The following TP63 variants were observed in gnomAD, a reference collection of about 807,000 sequenced individuals.
TP63 encodes the protein tumor protein 63.
In TP63, 17 loss-of-function variants were observed where a neutral mutation model predicts 82.8. The ratio of observed to expected loss-of-function variants is 0.21; its 90% CI spans 0.14 to 0.31. The LOEUF is 0.31. Among genes scored for constraint, TP63 ranks in the 10% least tolerant of loss-of-function variants. The probability of loss-of-function intolerance (pLI) is 1.00; values close to 1 mark genes in which losing one functional copy is unlikely to be tolerated. For synonymous variants in TP63, 330 were observed against 321.7 expected, an observed-to-expected ratio of 1.03 and a Z score of -0.28; for missense variants, 648 against 895.3, an observed-to-expected ratio of 0.72 and a Z score of 3.52.
intron 3 of TP63, among the ~76,000 whole-genome samples, chr3:189,767,536 C>T (rs181275869): frequency 2.6e-5 from 4 of 152,200 alleles, no homozygotes; most frequent in Admixed American, 1.3e-4. Context: ...TTGCTAGTTT[C>T]GTATTTGAAG....
chr3:189,696,449 G>A (rs1577257462), intron 1 of TP63, among the ~76,000 whole-genome samples: 2 of 152,168 alleles, frequency 1.3e-5, no homozygotes, highest in Admixed American at 1.3e-4. Context: ...TTCACCAACT[G>A]AAAGACATCT....
At chr3:189,754,202 A>G (rs1178000098) in intron 3 of TP63, among the ~76,000 whole-genome samples, 2 of 152,096 alleles carry the variant, frequency 1.3e-5, no homozygotes, top group Non-Finnish European at 2.9e-5. Flanking sequence ...GGGACCATAA[A>G]CCAGGTCAAA....
chr3:189,619,852 C>T, the TP63 span, among the ~76,000 whole-genome samples: 4 of 152,166 alleles, frequency 2.6e-5, no homozygotes, highest in African/African-American at 7.2e-5. Flanking sequence ...CCAAAGTCCA[C>T]GTACTTCAGG....
At position 189,866,765 on chromosome 3, in the gene TP63, C is replaced by G. The variant is rs751232018; in HGVS notation, c.850C>G (p.Gln284Glu). ...TGTAGAAGATCCCATCACAGGAAGA[C>G]AGAGTGTGCTGGTACCTTATGAGCC... ...QYVEDPITGRQSVLVPYEPPQ... is the reference protein window; with the variant it reads ...QYVEDPITGRESVLVPYEPPQ... Residue 284 changes from glutamine (Q) to glutamate (E), a missense_variant, in exon 6 of 14, where the codon CAG (glutamine) becomes GAG (glutamate). By Grantham distance (29) the Gln-to-Glu change is conservative. Around this residue, in one of 5 missense-constraint regions of TP63, gnomAD observed 30 missense variants for 26.4 expected, o/e 1.14. Coordinates refer to ENST00000264731, the MANE Select transcript of TP63 (RefSeq NM_003722.5). The G allele has an allele frequency of 6.2e-7, 1 of 1,614,020 alleles. No homozygotes were observed. Among genetic ancestry groups the G allele is most frequent in the Non-Finnish European group, 8.5e-7 (1 of 1,179,970 alleles).
intron 12 of TP63, among the ~76,000 whole-genome samples, chr3:189,889,832 T>C (rs1482462764): frequency 6.6e-6 from 1 of 152,230 alleles, no homozygotes; most frequent in Non-Finnish European, 1.5e-5. Context: ...GGCAATAAAC[T>C]TGCTATCTCG....
At chr3:189,668,385 A>C (rs1185969305) in intron 1 of TP63, among the ~76,000 whole-genome samples, 1 of 152,148 alleles carries the variant, frequency 6.6e-6, no homozygotes, top group Non-Finnish European at 1.5e-5. Context: ...ATTTCAAGGA[A>C]TAAAATGAAA....
chr3:189,721,065 G>C (rs1007618884), intron 1 of TP63, among the ~76,000 whole-genome samples: 1 of 152,244 alleles, frequency 6.6e-6, no homozygotes, highest in Non-Finnish European at 1.5e-5. Flanking sequence ...CACTGACAGG[G>C]AAGATCTTTG....
Position 189,869,395 on chromosome 3 carries a change from T to C in TP63, c.1201T>C (p.Leu401=). Reference sequence around the variant, plus strand: ...ACGAAGATCCCCAGATGATGAACTGTTATACTTACCAGTAGGTCTTCCTTG... The same window carrying C: ...ACGAAGATCCCCAGATGATGAACTGCTATACTTACCAGTAGGTCTTCCTTG... The part of the protein sequence containing the change: ...KKRRSPDDEL[L]YLPVRGRETY... Residue 401 remains leucine, a synonymous_variant, in exon 9 of 14, where the codon TTA becomes CTA. Transcript: ENST00000264731. 1 of 1,613,780 alleles carries C rather than the reference T, an allele frequency of 6.2e-7. No individual in the cohort carries two copies. The highest frequency in any genetic ancestry group is 8.5e-7 in the Non-Finnish European group (1 of 1,179,748).
At chr3:189,624,934 A>G in the TP63 span, among the ~76,000 whole-genome samples, 1 of 152,214 alleles carries the variant, frequency 6.6e-6, no homozygotes, top group Non-Finnish European at 1.5e-5. Context: ...ACTGCAAAAC[A>G]CATTAGTGTA....
chr3:189,670,047 A>G (rs2108670560), intron 1 of TP63, among the ~76,000 whole-genome samples: 1 of 152,112 alleles, frequency 6.6e-6, no homozygotes, highest in South Asian at 2.1e-4. Context: ...TGAAATGAAC[A>G]AAGTATAAAC....
Position 189,895,826 on chromosome 3 carries a change from G to A in TP63, c.*1324G>A, listed in dbSNP as rs1417018864. The A allele has an allele frequency of 8.9e-6, 2 of 225,848 alleles. No individual in the cohort carries two copies. 14.0% of individuals were successfully genotyped at this position (225,848 alleles called of 1,614,324 possible). A position where few individuals can be genotyped will look rare whatever the true frequency, so the allele number is the denominator to read the frequency against. ...TGATTTGAAAAATATAAAATTATGA[G>A]ATTGGTTTTCCTGTGGCATAAATTG... On this transcript the variant is annotated 3_prime_UTR_variant, in exon 14 of 14. Coordinates refer to ENST00000264731, the MANE Select transcript of TP63 (RefSeq NM_003722.5).
chr3:189,741,381 G>C (rs1337009090), intron 3 of TP63, among the ~76,000 whole-genome samples: 1 of 152,172 alleles, frequency 6.6e-6, no homozygotes, highest in Non-Finnish European at 1.5e-5. Flanking sequence ...TTAATAGCTA[G>C]TGTTCTGGTT....
At chr3:189,670,873 T>C (rs1015907539) in intron 1 of TP63, among the ~76,000 whole-genome samples, 2 of 151,992 alleles carry the variant, frequency 1.3e-5, no homozygotes, top group Admixed American at 6.6e-5. Context: ...TGGTCATATA[T>C]GAAAATCAAC....
chr3:189,727,999 G>A (rs1052529556), intron 1 of TP63, among the ~76,000 whole-genome samples: 10 of 152,120 alleles, frequency 6.6e-5, no homozygotes, highest in South Asian at 4.1e-4. Context: ...ATAGTAGAGC[G>A]AAGTTTGAGA....
rs76513731 is a variant in TP63, at chr3:189,861,652, G to A, written c.580-2580G>A. Among the ~76,000 whole-genome samples, 127 of 152,228 alleles carry A rather than the reference G, an allele frequency of 8.3e-4. 1 individual carries two copies. Among genetic ancestry groups the A allele is most frequent in the African/African-American group, 2.9e-3 (121 of 41,524 alleles). ...ATTAAATGAGTAAGCAATATACTGA[G>A]AAATTAATAAAACTATGTTAAATAG... is the stretch of plus-strand genomic sequence containing the variant. On this transcript the variant is annotated intron_variant, in intron 4 of 13. Transcript: ENST00000264731.
At chr3:189,697,014 A>G (rs192922723) in intron 1 of TP63, among the ~76,000 whole-genome samples, 1 of 152,178 alleles carries the variant, frequency 6.6e-6, no homozygotes, top group East Asian at 1.9e-4. Context: ...TTTCCTTTAT[A>G]AAACAAAAGG....
intron 3 of TP63, among the ~76,000 whole-genome samples, chr3:189,772,910 T>G (rs1422528681): frequency 6.6e-6 from 1 of 152,192 alleles, no homozygotes; most frequent in East Asian, 1.9e-4. Flanking sequence ...TACTTTGCAC[T>G]TAGTGTCTTT....
At chr3:189,879,945 C>A in intron 10 of TP63, 1 of 1,333,790 alleles carries the variant, frequency 7.5e-7, no homozygotes, top group Non-Finnish European at 9.8e-7. Context: ...TTTTCAGGCA[C>A]TCTATTCTGT....
At chr3:189,819,210 A>G (rs1451471543) in intron 4 of TP63, among the ~76,000 whole-genome samples, 1 of 152,222 alleles carries the variant, frequency 6.6e-6, no homozygotes, top group Non-Finnish European at 1.5e-5. Context: ...CACGTAAGAT[A>G]GTAACCTCTT....
Sources: gnomAD v4.1 joint callset for allele counts (sites outside exome capture counted in the v4.1 genomes callset) on GRCh38, gnomAD v4.1.1 for gene constraint, gnomAD v4.1.1 regional missense constraint, MANE v1.5 for transcripts, NCBI Gene and HGNC (gene_info 2026-07-23, HGNC 2026-07-21) for gene names.